Variants in COL5A2 observed in about 807,000 individuals in gnomAD.
COL5A2 encodes the protein collagen alpha-2(V) chain.
Under a neutral mutation model 208.2 loss-of-function variants are expected in COL5A2, and 23 were observed. The ratio of observed to expected loss-of-function variants is 0.11; its 90% CI spans 0.08 to 0.16. The LOEUF is 0.16. Ranked by LOEUF, COL5A2 falls within the 10% of genes least tolerant of loss-of-function variation. The probability of loss-of-function intolerance (pLI) is 1.00; values close to 1 mark genes in which losing one functional copy is unlikely to be tolerated. For missense variants in COL5A2, 1,590 were observed against 1,956.4 expected (o/e 0.81, Z 3.53); for synonymous variants, 625 against 628.5 (o/e 0.99, Z 0.08).
the COL5A2 span, among the ~76,000 whole-genome samples, chr2:189,403,463 G>C: frequency 6.6e-6 from 1 of 152,110 alleles, no homozygotes; most frequent in East Asian, 1.9e-4. Context: ...TGTTGAATAG[G>C]AGTGGTGAGA....
chr2:189,341,832 T>C, the COL5A2 span, among the ~76,000 whole-genome samples: 4 of 152,182 alleles, frequency 2.6e-5, no homozygotes, highest in African/African-American at 4.8e-5. Context: ...ATTTTAATAA[T>C]GTTACTAAAC....
At chr2:189,035,214 A>T in intron 52 of COL5A2, 59 bp from the exon 53 acceptor site, 1 of 1,596,390 alleles carries the variant, frequency 6.3e-7, no homozygotes, top group Non-Finnish European at 8.6e-7. Flanking sequence ...AATGCCTTAC[A>T]CATGTATAGA....
At chr2:189,313,106 A>T in the COL5A2 span, among the ~76,000 whole-genome samples, 1 of 152,092 alleles carries the variant, frequency 6.6e-6, no homozygotes, top group East Asian at 1.9e-4. Flanking sequence ...CAGAAGAAAG[A>T]ATCTCAGAGC....
the COL5A2 span, among the ~76,000 whole-genome samples, chr2:189,401,998 A>T: frequency 6.6e-6 from 1 of 152,132 alleles, no homozygotes; most frequent in Admixed American, 6.5e-5. Flanking sequence ...GCAAAAAAAA[A>T]ATTCCCATTC....
chr2:189,253,653 A>T, the COL5A2 span, among the ~76,000 whole-genome samples: 1 of 152,160 alleles, frequency 6.6e-6, no homozygotes, highest in Non-Finnish European at 1.5e-5. Context: ...ACCTAATCCC[A>T]AGTCCTTGAT....
chr2:189,321,380 TAAAG>T, the COL5A2 span, among the ~76,000 whole-genome samples: 3 of 152,086 alleles, frequency 2.0e-5, no homozygotes, highest in African/African-American at 7.2e-5. Flanking sequence ...GAAAATTGGA[TAAAG>T]AGTCAAGACC....
chr2:189,129,110 G>C lies in COL5A2; in HGVS notation c.98-18661C>G, dbSNP rs577383772. On this transcript the variant is annotated intron_variant, in intron 1 of 53. Coordinates refer to ENST00000374866, the MANE Select transcript of COL5A2 (RefSeq NM_000393.5). ...CCATTTGTGCCTTTATGGTCCCCTG[G>C]TGAGTTTTATCACTGGGTAGAATTC... 2.6e-5 allele frequency among the ~76,000 whole-genome samples: 4 copies of C among 151,756 alleles called. No individual in the cohort carries two copies. In the South Asian group the frequency reaches 8.3e-4, roughly 31 times the overall value.
the COL5A2 span, among the ~76,000 whole-genome samples, chr2:189,234,678 C>T: frequency 6.6e-6 from 1 of 151,772 alleles, no homozygotes. Flanking sequence ...ATCATGTAAA[C>T]ATCTAATTTT....
the COL5A2 span, among the ~76,000 whole-genome samples, chr2:189,303,427 C>T: frequency 6.6e-6 from 1 of 152,098 alleles, no homozygotes; most frequent in East Asian, 1.9e-4. Flanking sequence ...TCTATAGGCC[C>T]CCCAAAACTG....
chr2:189,054,557 C>A (rs932504255), intron 35 of COL5A2, among the ~76,000 whole-genome samples: 3 of 152,052 alleles, frequency 2.0e-5, no homozygotes, highest in African/African-American at 7.2e-5. Context: ...TTTATTCGGA[C>A]ATTTGACCAC....
At chr2:189,175,637 G>A (rs931359232) in intron 1 of COL5A2, among the ~76,000 whole-genome samples, 5 of 148,722 alleles carry the variant, frequency 3.4e-5, no homozygotes, top group African/African-American at 1.2e-4. Context: ...TCCGCCTCCC[G>A]GGTTCTAGCA....
At chr2:189,086,491 C>T (rs531766262) in intron 9 of COL5A2, among the ~76,000 whole-genome samples, 5 of 152,118 alleles carry the variant, frequency 3.3e-5, no homozygotes, top group African/African-American at 7.2e-5. Context: ...ATTTTGTTAT[C>T]GAAGGTCAGT....
At chr2:189,039,246 G>A (rs1179178499) in intron 51 of COL5A2, 26 bp downstream of exon 51, 7 of 1,612,570 alleles carry the variant, frequency 4.3e-6, no homozygotes, top group Non-Finnish European at 5.9e-6. Flanking sequence ...AACGGGTTTT[G>A]CTCAAATGGG....
At chr2:189,054,415 C>T (rs550421816) in intron 35 of COL5A2, among the ~76,000 whole-genome samples, 68 of 152,296 alleles carry the variant, frequency 4.5e-4, no homozygotes, top group African/African-American at 1.5e-3. Context: ...CATATTTTCT[C>T]CACACAGTGT....
the COL5A2 span, among the ~76,000 whole-genome samples, chr2:189,424,285 C>T: frequency 4.0e-3 from 615 of 152,212 alleles, 7 homozygotes; most frequent in African/African-American, 0.014. Context: ...GACAAACATG[C>T]TTATTTTCAC....
At chr2:189,283,804 T>A in the COL5A2 span, among the ~76,000 whole-genome samples, 201 of 152,250 alleles carry the variant, frequency 1.3e-3, 2 homozygotes, top group African/African-American at 4.7e-3. Context: ...CTTCCATAAA[T>A]TAAATTGAAT....
At chr2:189,339,676 G>A in the COL5A2 span, among the ~76,000 whole-genome samples, 1 of 152,180 alleles carries the variant, frequency 6.6e-6, no homozygotes, top group East Asian at 1.9e-4. Flanking sequence ...ATGTAACTAT[G>A]TGTGGGAAAA....
chr2:189,288,947 A>G, the COL5A2 span, among the ~76,000 whole-genome samples: 1 of 152,230 alleles, frequency 6.6e-6, no homozygotes, highest in Non-Finnish European at 1.5e-5. Context: ...ATAATGAATG[A>G]CTAAAATCAT....
At chr2:189,134,570 T>C (rs886267436) in intron 1 of COL5A2, among the ~76,000 whole-genome samples, 3 of 152,232 alleles carry the variant, frequency 2.0e-5, no homozygotes, top group East Asian at 1.9e-4. Context: ...GCCTGGGAAA[T>C]AGAGTGAGAC....
Sources: gnomAD v4.1 joint callset for allele counts (sites outside exome capture counted in the v4.1 genomes callset) on GRCh38, gnomAD v4.1.1 for gene constraint, MANE v1.5 for transcripts, NCBI Gene and HGNC (gene_info 2026-07-23, HGNC 2026-07-21) for gene names.